The following MIER2 variants were observed in gnomAD, a reference collection of about 807,000 sequenced individuals.
MIER2 encodes MIER family member 2, also known as mesoderm induction early response protein 2.
MIER2 carries 30 observed loss-of-function variants against 67.6 expected under a neutral mutation model. That is an observed-to-expected ratio of 0.44 (90% CI 0.33 to 0.60). The LOEUF is 0.60. MIER2 is among the 20% of genes least tolerant of loss of function. MIER2 has a pLI of 0.02. For synonymous variants in MIER2, 372 were observed against 312.6 expected (o/e 1.19, Z -2.00); for missense variants, 702 against 745.1 (o/e 0.94, Z 0.67).
intron 10 of MIER2, among the ~76,000 whole-genome samples, chr19:311,115 G>C (rs763439710): frequency 6.6e-6 from 1 of 152,214 alleles, no homozygotes; most frequent in South Asian, 2.1e-4. Flanking sequence ...AATGGAGCAC[G>C]GTCCCAGGAC....
Position 306,512 on chromosome 19 carries a change from A to G in MIER2, c.*178T>C. 4 of 843,526 alleles carry G rather than the reference A, an allele frequency of 4.7e-6. No individual in the cohort carries two copies. Among genetic ancestry groups the G allele is most frequent in the Non-Finnish European group, 7.4e-6 (4 of 541,200 alleles). 52.3% of individuals were successfully genotyped at this position (843,526 alleles called of 1,614,324 possible). A position where few individuals can be genotyped will look rare whatever the true frequency, so the allele number is the denominator to read the frequency against. Reference sequence around the variant, plus strand: ...GGGGCCGTGGGTCCATTCTGTGTGGACAGGGGCAAGGGCTCACGGCCCAGC... The same window carrying G: ...GGGGCCGTGGGTCCATTCTGTGTGGGCAGGGGCAAGGGCTCACGGCCCAGC... On this transcript the variant is annotated 3_prime_UTR_variant, in exon 14 of 14. Coordinates refer to ENST00000264819, the MANE Select transcript of MIER2 (RefSeq NM_017550.3).
At chr19:343,139 A>G (rs1328145508) in intron 1 of MIER2, among the ~76,000 whole-genome samples, 1 of 152,186 alleles carries the variant, frequency 6.6e-6, no homozygotes, top group East Asian at 1.9e-4. Context: ...CCAAAGTGTA[A>G]AACAGGGTTA....
At chr19:317,136 T>A (rs1361527235) in intron 7 of MIER2, among the ~76,000 whole-genome samples, 1 of 152,226 alleles carries the variant, frequency 6.6e-6, no homozygotes, top group Non-Finnish European at 1.5e-5. Flanking sequence ...GGCTCACGCC[T>A]GTAATCCCAG....
At chr19:336,019 T>C in intron 2 of MIER2, 64 bp downstream of exon 2, 2 of 1,508,144 alleles carry the variant, frequency 1.3e-6, no homozygotes, top group Non-Finnish European at 1.8e-6. Context: ...CCAGCAGGCA[T>C]TCTGTCTCTC....
chr19:323,014 G>A (rs938241564), intron 7 of MIER2, among the ~76,000 whole-genome samples: 8 of 151,262 alleles, frequency 5.3e-5, no homozygotes, highest in Non-Finnish European at 7.4e-5. Flanking sequence ...GGACCACAAC[G>A]CAATACACAA....
At position 308,278 on chromosome 19, in the gene MIER2, C is replaced by T. The variant is rs1190210059; in HGVS notation, c.1198+299G>A. Among the ~76,000 whole-genome samples the T allele has an allele frequency of 1.3e-5, 2 of 152,176 alleles. No homozygotes were observed. The highest frequency in any genetic ancestry group is 2.4e-5 in the African/African-American group (1 of 41,434). ...CACCCTGGGGCAGGAAGGCCCTCCC[C>T]GGAGACTGAGGCCTGGTAAATACCC... On this transcript the variant is annotated intron_variant, in intron 12 of 13. Coordinates refer to ENST00000264819, the MANE Select transcript of MIER2 (RefSeq NM_017550.3). The surrounding 1 kb of genome is among the most constrained non-coding windows in gnomAD (Gnocchi z 9.1).
intron 10 of MIER2, among the ~76,000 whole-genome samples, chr19:309,612 G>A (rs574316891): frequency 7.4e-6 from 1 of 135,132 alleles, no homozygotes; most frequent in East Asian, 2.1e-4. Flanking sequence ...AGGGAGACGA[G>A]AAGGGACACA....
rs1280128848 is a variant in MIER2 at position 327,256 on chromosome 19, C to G, written c.370G>C (p.Glu124Gln). The change falls in exon 5 of 14, where the codon GAA (glutamate) becomes CAA (glutamine). Residue 124 changes from glutamate (E) to glutamine (Q), a missense_variant and splice_region_variant. Physicochemically the swap from Glu to Gln is conservative, Grantham distance 29. Around this residue, in one of 3 missense-constraint regions of MIER2, gnomAD observed 320 missense variants for 292.6 expected, o/e 1.09. Coordinates refer to ENST00000264819, the MANE Select transcript of MIER2 (RefSeq NM_017550.3). Reference sequence around the variant, plus strand: ...GAAAGCAAATCCTTCGCTATTTGTTCCTTTAAAAAAAAAAAAAAAAGTAAA... The same window carrying G: ...GAAAGCAAATCCTTCGCTATTTGTTGCTTTAAAAAAAAAAAAAAAAGTAAA... ...PNLPDMTLDK[E>Q]QIAKDLLSGE... is the part of the protein sequence containing the mutation. 2.6e-6 allele frequency: 4 copies of G among 1,563,526 alleles called. No homozygotes were observed. Among genetic ancestry groups the G allele is most frequent in the Non-Finnish European group, 3.4e-6 (4 of 1,166,662 alleles).
intron 7 of MIER2, 43 bp from the exon 8 acceptor site, chr19:313,686 C>T (rs1971119260): frequency 2.5e-6 from 4 of 1,592,966 alleles, no homozygotes; most frequent in Admixed American, 1.7e-5. Flanking sequence ...GGAACCCAAT[C>T]TGCACCCACA....
At chr19:313,844 G>C (rs1431191219) in intron 7 of MIER2, among the ~76,000 whole-genome samples, 2 of 152,170 alleles carry the variant, frequency 1.3e-5, no homozygotes, top group Non-Finnish European at 2.9e-5. Flanking sequence ...AGTGGGTCCA[G>C]AGCAGGCTCT....
intron 7 of MIER2, among the ~76,000 whole-genome samples, chr19:324,600 GAC>G (rs761305564): frequency 8.8e-6 from 1 of 113,254 alleles, no homozygotes; most frequent in East Asian, 2.0e-4. Flanking sequence ...CAATACACAA[GAC>G]ACACACAACC....
rs574289767 is a variant in MIER2, at chr19:331,748, C to T, written c.243+2652G>A. Among the ~76,000 whole-genome samples the T allele has an allele frequency of 2.0e-5, 3 of 151,990 alleles. No individual in the cohort carries two copies. The East Asian group carries it at 5.8e-4, about 30-fold the overall frequency. ...CCTGTAATCCAGCACTTTGGGAGGC[C>T]GAGGTGGGCAGATCACAAGGTCAAG... On this transcript the variant is annotated intron_variant, in intron 3 of 13. Transcript: ENST00000264819.
At chr19:310,090 CAAGT>C (rs1257295547) in intron 10 of MIER2, among the ~76,000 whole-genome samples, 1 of 149,294 alleles carries the variant, frequency 6.7e-6, no homozygotes, top group Non-Finnish European at 1.5e-5. Context: ...GGACACACAG[CAAGT>C]GTGTTCCATG....
Position 327,986 on chromosome 19 carries a change from T to C in MIER2, c.247A>G (p.Asn83Asp). The change falls in exon 4 of 14, where the codon AAC becomes GAC. Residue 83 changes from asparagine (N) to aspartate (D), a missense_variant. By Grantham distance (23) the Asn-to-Asp change is conservative. Around this residue, in one of 3 missense-constraint regions of MIER2, gnomAD observed 320 missense variants for 292.6 expected, o/e 1.09. Transcript: ENST00000264819. The part of the protein sequence containing the change: ...ELEKDFISQS[N>D]DMPFDELLAL... ...AGCAGCTCATCAAAGGGCATGTCGT[T>C]GCTCTGAGTTGGGGAAGGGAACAAG... 1 of 1,613,156 alleles carries C rather than the reference T, an allele frequency of 6.2e-7. No individual in the cohort carries two copies. The highest frequency in any genetic ancestry group is 8.5e-7 in the Non-Finnish European group (1 of 1,179,556).
At chr19:332,372 G>A (rs1037503288) in intron 3 of MIER2, among the ~76,000 whole-genome samples, 2 of 151,854 alleles carry the variant, frequency 1.3e-5, no homozygotes, top group Non-Finnish European at 2.9e-5. Flanking sequence ...GCCTGATCTC[G>A]GCTCACTGCA....
chr19:337,000 G>A (rs563928073), intron 1 of MIER2, among the ~76,000 whole-genome samples: 1 of 151,930 alleles, frequency 6.6e-6, no homozygotes, highest in Non-Finnish European at 1.5e-5. Context: ...GCACCACCAC[G>A]CCCAGCTAAT....
rs36030701 is a variant in MIER2, at chr19:341,729, A to AG, written c.9+3044dup. Among the ~76,000 whole-genome samples the AG allele has an allele frequency of 2.8e-4, 43 of 152,284 alleles. No homozygotes were observed. In the South Asian group the frequency reaches 8.7e-3, roughly 31 times the overall value. ...TTGTCAAAGTGGAAGCAGGAAAAAG[A>AG]GGGGGAGCAGGCCAACGGTATTCCA... On this transcript the variant is annotated intron_variant, in intron 1 of 13. Transcript: ENST00000264819.
chr19:321,195 G>A (rs1447768814), intron 7 of MIER2, among the ~76,000 whole-genome samples: 1 of 152,160 alleles, frequency 6.6e-6, no homozygotes, highest in African/African-American at 2.4e-5. Context: ...GTTTTGATTT[G>A]CGGTTTCAAA....
At chr19:313,725 C>T (rs1206269001) in intron 7 of MIER2, 82 bp from the exon 8 acceptor site, 6 of 1,534,502 alleles carry the variant, frequency 3.9e-6, no homozygotes, top group Non-Finnish European at 5.3e-6. Flanking sequence ...GCAGCCAACT[C>T]AGCCCCTGAC....
Sources: gnomAD v4.1 joint callset for allele counts (sites outside exome capture counted in the v4.1 genomes callset) on GRCh38, gnomAD v4.1.1 for gene constraint, gnomAD v4.1.1 regional missense constraint, Gnocchi (gnomAD v3.1) non-coding constraint, MANE v1.5 for transcripts, NCBI Gene and HGNC (gene_info 2026-07-23, HGNC 2026-07-21) for gene names.